Variants in FGFR1 observed in about 807,000 individuals in gnomAD.
FGFR1 encodes FGFR1/PLAG1 fusion.
In FGFR1, 18 loss-of-function variants were observed where a neutral mutation model predicts 93.7. The observed-to-expected ratio is 0.19, with a 90% CI of 0.13 to 0.28. FGFR1 has a LOEUF of 0.28. Among genes scored for constraint, FGFR1 ranks in the 10% least tolerant of loss-of-function variants. The probability of loss-of-function intolerance (pLI) is 1.00; values close to 1 mark genes in which losing one functional copy is unlikely to be tolerated. For missense variants in FGFR1, 731 were observed against 1,080.4 expected (o/e 0.68, Z 4.53); for synonymous variants, 448 against 429.3 (o/e 1.04, Z -0.54).
intron 2 of FGFR1, among the ~76,000 whole-genome samples, chr8:38,442,646 C>T (rs949886259): frequency 2.6e-5 from 4 of 152,140 alleles, no homozygotes; most frequent in African/African-American, 9.7e-5. Context: ...AAGAATGTAT[C>T]GCCCTCCCCC....
At chr8:38,464,828 A>G (rs6996321) in intron 1 of FGFR1, among the ~76,000 whole-genome samples, 94,601 of 152,094 alleles carry the variant, frequency 0.62, 29,723 homozygotes, top group South Asian at 0.82. Flanking sequence ...AGGATGTTCT[A>G]TAACTAACAG....
chr8:38,445,742 TG>T (rs1563581237), intron 2 of FGFR1, among the ~76,000 whole-genome samples: 1 of 151,532 alleles, frequency 6.6e-6, no homozygotes, highest in African/African-American at 2.4e-5. Flanking sequence ...AGAGACACTA[TG>T]TTGGCCAGGC....
At chr8:38,459,882 G>A (rs1833939790) in intron 1 of FGFR1, among the ~76,000 whole-genome samples, 1 of 152,134 alleles carries the variant, frequency 6.6e-6, no homozygotes, top group African/African-American at 2.4e-5. Flanking sequence ...CAGTTCCATT[G>A]GTCAAAGATA....
rs116894067 is a variant in FGFR1 at position 38,459,272 on chromosome 8, G to A, written c.-88-1738C>T. Among the ~76,000 whole-genome samples the A allele has an allele frequency of 6.6e-5, 10 of 152,252 alleles. No homozygotes were observed. In the East Asian group the frequency reaches 1.9e-3, roughly 29 times the overall value. ...CTACTTCCCCGGAACATGCCCTAAT[G>A]TGGTACTTCAGCCCTGCCTCCCCCG... is the stretch of plus-strand genomic sequence containing the variant. On this transcript the variant is annotated intron_variant, in intron 1 of 17. Coordinates refer to ENST00000447712, the MANE Select transcript of FGFR1 (RefSeq NM_023110.3).
In FGFR1 at chr8:38,465,014, T is replaced by G. The variant is rs530796945; in HGVS notation, c.-89+2967A>C. Among the ~76,000 whole-genome samples the G allele has an allele frequency of 1.0e-3, 159 of 152,314 alleles. 1 individual carries two copies. The highest frequency in any genetic ancestry group is 3.6e-3 in the African/African-American group (148 of 41,578). Reference sequence around the variant, plus strand: ...AGCAAAACCCATGGATTTTCCTTGGTCTCTAAGGCTTGAATCTGCCTACCC... The same window carrying G: ...AGCAAAACCCATGGATTTTCCTTGGGCTCTAAGGCTTGAATCTGCCTACCC... On this transcript the variant is annotated intron_variant, in intron 1 of 17. Transcript: ENST00000447712.
At position 38,428,352 on chromosome 8, in the gene FGFR1, G is replaced by T. The variant is rs780153672; in HGVS notation, c.442C>A (p.Arg148Ser). Reference sequence around the variant, plus strand: ...ATAGGAAACAGTGTCTCACGCATACGGTTTGGTTTGGTGTTATCTGTTTCT... The same window carrying T: ...ATAGGAAACAGTGTCTCACGCATACTGTTTGGTTTGGTGTTATCTGTTTCT... The part of the protein sequence containing the change: ...EKETDNTKPN[R>S]MPVAPYWTSP... Residue 148 changes from arginine (R) to serine (S), a missense_variant, in exon 4 of 18, where the codon CGT becomes AGT. This residue lies in a region of FGFR1 where 212 missense variants were observed against 205.8 expected (regional missense o/e 1.03). Coordinates refer to ENST00000447712, the MANE Select transcript of FGFR1 (RefSeq NM_023110.3). The T allele has an allele frequency of 5.0e-6, 8 of 1,613,786 alleles. No homozygotes were observed. Among genetic ancestry groups the T allele is most frequent in the Non-Finnish European group, 6.8e-6 (8 of 1,179,684 alleles).
At chr8:38,466,546 G>T (rs1272121800) in intron 1 of FGFR1, 112 of 230,790 alleles carry the variant, frequency 4.9e-4, no homozygotes, top group Admixed American at 1.7e-3. Context: ...ACCCACCAGC[G>T]GCGGCGAATA....
At chr8:38,461,033 G>A (rs2151423875) in intron 1 of FGFR1, 1 of 1,530,698 alleles carries the variant, frequency 6.5e-7, no homozygotes. Flanking sequence ...GAGGTCCTCG[G>A]TGGGGAGCAG....
intron 2 of FGFR1, among the ~76,000 whole-genome samples, chr8:38,431,411 C>T (rs1823073939): frequency 6.6e-6 from 1 of 152,344 alleles, no homozygotes; most frequent in African/African-American, 2.4e-5. Context: ...CCAGCACCTA[C>T]TACGATGCCT....
intron 2 of FGFR1, among the ~76,000 whole-genome samples, chr8:38,450,579 G>A (rs1205749574): frequency 6.6e-6 from 1 of 151,942 alleles, no homozygotes; most frequent in East Asian, 1.9e-4. Flanking sequence ...ACACCCCTCC[G>A]TGCTGGGGCC....
intron 2 of FGFR1, chr8:38,440,324 G>A (rs754549762): frequency 5.0e-6 from 8 of 1,604,960 alleles, no homozygotes; most frequent in Middle Eastern, 1.8e-4. Context: ...GGCAGGACCC[G>A]GCCAGAGTGC....
Position 38,424,737 on chromosome 8 carries a change from C to T in FGFR1, c.746-38G>A, listed in dbSNP as rs1383004548. Reference sequence around the variant, plus strand: ...GGAGAGGAGGCACTTGTCATGGGGACCTTGCCATGGCTAAAGAGGGGTGGG... The same window carrying T: ...GGAGAGGAGGCACTTGTCATGGGGATCTTGCCATGGCTAAAGAGGGGTGGG... On this transcript the variant is annotated intron_variant, in intron 6 of 17. Coordinates refer to ENST00000447712, the MANE Select transcript of FGFR1 (RefSeq NM_023110.3). The surrounding 1 kb of genome is among the most constrained non-coding windows in gnomAD (Gnocchi z 4.3). The T allele has an allele frequency of 6.3e-7, 1 of 1,596,592 alleles. No homozygotes were observed. Among genetic ancestry groups the T allele is most frequent in the Non-Finnish European group, 8.6e-7 (1 of 1,167,672 alleles).
chr8:38,428,945 C>A, intron 3 of FGFR1: 1 of 303,260 alleles, frequency 3.3e-6, no homozygotes, highest in Non-Finnish European at 6.4e-6. Context: ...AGGGCACCCA[C>A]CACCCCAGCA....
intron 2 of FGFR1, among the ~76,000 whole-genome samples, chr8:38,449,767 G>A (rs1316782138): frequency 6.6e-6 from 1 of 152,238 alleles, no homozygotes; most frequent in Non-Finnish European, 1.5e-5. Context: ...CTTTCTCAGT[G>A]CCTGAAACCA....
At chr8:38,460,648 CT>C (rs962360681) in intron 1 of FGFR1, among the ~76,000 whole-genome samples, 82 of 152,182 alleles carry the variant, frequency 5.4e-4, no homozygotes, top group Non-Finnish European at 1.5e-4. Flanking sequence ...TCTCCTACCC[CT>C]CTGGCCCTCA....
In FGFR1 at chr8:38,429,388, A is replaced by G; in HGVS notation, c.358+294T>C. 1 of 676,636 alleles carries G rather than the reference A, an allele frequency of 1.5e-6. No individual in the cohort carries two copies. 41.9% of individuals were successfully genotyped at this position (676,636 alleles called of 1,614,324 possible). A position where few individuals can be genotyped will look rare whatever the true frequency, so the allele number is the denominator to read the frequency against. On this transcript the variant is annotated intron_variant, in intron 3 of 17. Coordinates refer to ENST00000447712, the MANE Select transcript of FGFR1 (RefSeq NM_023110.3). The surrounding 1 kb of genome is among the most constrained non-coding windows in gnomAD (Gnocchi z 4.4). ...CACTTAGCCTCCTGGAGATCTGGGC[A>G]AGCTGTGGTGGAAAAAAATCACAGG... is the stretch of plus-strand genomic sequence containing the variant.
rs544967630 is a variant in FGFR1, at chr8:38,414,852, T to C, written c.1904A>G (p.Asn635Ser). The stretch of plus-strand genomic sequence containing the variant: ...GCCAAAGTCTGCTATCTTCATCACA[T>C]TGTCCTCTGTCACCAGGACATTCCT... ...AARNVLVTEDNVMKIADFGLA... is the reference protein window; with the variant it reads ...AARNVLVTEDSVMKIADFGLA... Residue 635 changes from asparagine (N) to serine (S), a missense_variant, in exon 14 of 18, where the codon AAT becomes AGT. Asn to Ser is a conservative substitution (Grantham distance 46). Coordinates refer to ENST00000447712, the MANE Select transcript of FGFR1 (RefSeq NM_023110.3). 57 of 1,613,668 alleles carry C rather than the reference T, an allele frequency of 3.5e-5. No individual in the cohort carries two copies. Among genetic ancestry groups the C allele is most frequent in the Non-Finnish European group, 4.7e-5 (55 of 1,179,958 alleles).
chr8:38,447,469 T>A (rs1013650567), intron 2 of FGFR1, among the ~76,000 whole-genome samples: 2 of 151,556 alleles, frequency 1.3e-5, no homozygotes, highest in Non-Finnish European at 2.9e-5. Flanking sequence ...GCATGCAGAG[T>A]GTGGAGATGA....
At chr8:38,415,015 G>T in intron 13 of FGFR1, 114 bp from the exon 14 acceptor site, 1 of 794,574 alleles carries the variant, frequency 1.3e-6, no homozygotes, top group Non-Finnish European at 2.1e-6. Context: ...CTGCCACACT[G>T]CTCTGCCCCC....
Sources: gnomAD v4.1 joint callset for allele counts (sites outside exome capture counted in the v4.1 genomes callset) on GRCh38, gnomAD v4.1.1 for gene constraint, gnomAD v4.1.1 regional missense constraint, Gnocchi (gnomAD v3.1) non-coding constraint, MANE v1.5 for transcripts, NCBI Gene and HGNC (gene_info 2026-07-23, HGNC 2026-07-21) for gene names.